The following SHROOM2 variants were observed in gnomAD, a reference collection of about 807,000 sequenced individuals.
The protein encoded by SHROOM2 is protein Shroom2.
Under a neutral mutation model 75.9 loss-of-function variants are expected in SHROOM2, and 33 were observed. That is an observed-to-expected ratio of 0.43 (90% confidence interval 0.33 to 0.58). The LOEUF is 0.58. Ranked by LOEUF, SHROOM2 falls within the 20% of genes least tolerant of loss-of-function variation. The probability of loss-of-function intolerance (pLI) is 0.04; values close to 1 mark genes in which losing one functional copy is unlikely to be tolerated. For missense variants in SHROOM2, 1,434 were observed against 1,461.2 expected, an observed-to-expected ratio of 0.98 and a Z score of 0.30; for synonymous variants, 655 against 663.6, an observed-to-expected ratio of 0.99 and a Z score of 0.20.
At chrX:9,871,967 C>T (rs1302289584) in intron 1 of SHROOM2, among the ~76,000 whole-genome samples, 2 of 112,427 alleles carry the variant, frequency 1.8e-5, no homozygotes, top group Admixed American at 1.9e-4. Flanking sequence ...GATTTCTTCT[C>T]ACTGGTTTTC....
chrX:9,812,046 C>G (rs1482205398), intron 1 of SHROOM2, among the ~76,000 whole-genome samples: 1 of 111,879 alleles, frequency 8.9e-6, no homozygotes, highest in Non-Finnish European at 1.9e-5. Flanking sequence ...ATAGGTAGTT[C>G]AGGTCGCATG....
At chrX:9,820,995 G>A (rs2083850319) in intron 1 of SHROOM2, among the ~76,000 whole-genome samples, 1 of 112,240 alleles carries the variant, frequency 8.9e-6, no homozygotes, top group Non-Finnish European at 1.9e-5. Context: ...CCTGGCTGGG[G>A]CTTGCTGTCC....
At chrX:9,940,380 A>G (rs1209312187) in intron 8 of SHROOM2, among the ~76,000 whole-genome samples, 1 of 111,905 alleles carries the variant, frequency 8.9e-6, no homozygotes, top group East Asian at 2.8e-4. Context: ...CAGAAGCGGC[A>G]TGCCTTGATT....
At chrX:9,940,139 A>T (rs1450605385) in intron 8 of SHROOM2, among the ~76,000 whole-genome samples, 1 of 111,840 alleles carries the variant, frequency 8.9e-6, no homozygotes, top group Non-Finnish European at 1.9e-5. Flanking sequence ...TTAAGGGTTT[A>T]GGTCTTGGGG....
intron 5 of SHROOM2, among the ~76,000 whole-genome samples, chrX:9,914,949 G>C (rs186808665): frequency 2.0e-4 from 22 of 111,409 alleles, no homozygotes; most frequent in Non-Finnish European, 3.6e-4. Flanking sequence ...TTTGCTGCCA[G>C]TGCAGTGAGA....
At chrX:9,927,356 C>CGAAAAA in intron 5 of SHROOM2, among the ~76,000 whole-genome samples, 1 of 24,378 alleles carries the variant, frequency 4.1e-5, no homozygotes, top group Non-Finnish European at 8.1e-5. Context: ...TCTCTGTCTC[C>CGAAAAA]AAAAAAAAAA....
chrX:9,799,690 T>A (rs1284398695), intron 1 of SHROOM2, among the ~76,000 whole-genome samples: 1 of 110,558 alleles, frequency 9.0e-6, no homozygotes, highest in Non-Finnish European at 1.9e-5. Context: ...TCCTTTTATC[T>A]GTCCTCTCTC....
intron 1 of SHROOM2, among the ~76,000 whole-genome samples, chrX:9,867,130 A>C (rs1376729614): frequency 8.9e-6 from 1 of 111,856 alleles, no homozygotes; most frequent in Non-Finnish European, 1.9e-5. Flanking sequence ...GTTCCATAAA[A>C]GACTTTGATT....
chrX:9,948,015 T>G lies in SHROOM2; in HGVS notation c.*1078T>G, dbSNP rs895460059. 2.7e-5 allele frequency: 3 copies of G among 112,259 alleles called. No homozygotes were observed. The highest frequency in any genetic ancestry group is 9.7e-5 in the African/African-American group (3 of 30,868). The allele number at this position is 112,259 out of a possible 1,213,427, so 9.3% of individuals were successfully genotyped here. ...TGGCAGGATTCTAAAGAGAGCCTGGTTTGTTAAAAGAAAACACTGTCATGC... is the reference window on the plus strand; with the variant it reads ...TGGCAGGATTCTAAAGAGAGCCTGGGTTGTTAAAAGAAAACACTGTCATGC... On this transcript the variant is annotated 3_prime_UTR_variant, in exon 10 of 10. Coordinates refer to ENST00000380913, the MANE Select transcript of SHROOM2 (RefSeq NM_001649.4).
chrX:9,934,709 A>G (rs768615733), intron 6 of SHROOM2, among the ~76,000 whole-genome samples: 1 of 112,166 alleles, frequency 8.9e-6, no homozygotes, highest in South Asian at 3.7e-4. Flanking sequence ...TTTCTGTTAA[A>G]AAATGATCAG....
intron 5 of SHROOM2, among the ~76,000 whole-genome samples, chrX:9,917,767 C>A (rs2084504261): frequency 8.9e-6 from 1 of 112,136 alleles, no homozygotes; most frequent in Non-Finnish European, 1.9e-5. Flanking sequence ...TTGTGATCCA[C>A]CTGCCTTGGC....
At chrX:9,890,684 T>G (rs2084285707) in intron 2 of SHROOM2, among the ~76,000 whole-genome samples, 1 of 105,194 alleles carries the variant, frequency 9.5e-6, no homozygotes, top group Admixed American at 9.8e-5. Flanking sequence ...GTGCGCTGCG[T>G]GCGGTCCTCG....
At chrX:9,787,993 T>C (rs1176881915) in intron 1 of SHROOM2, among the ~76,000 whole-genome samples, 2 of 24,289 alleles carry the variant, frequency 8.2e-5, no homozygotes, top group Non-Finnish European at 2.3e-4. Context: ...TTCTTTCTTC[T>C]TTTTTTTTTT....
In SHROOM2 at chrX:9,823,756, C is replaced by CTTTT. The variant is rs1293537759; in HGVS notation, c.165+37049_165+37052dup. Among the ~76,000 whole-genome samples, 47 of 85,893 alleles carry CTTTT rather than the reference C, an allele frequency of 5.5e-4. 12 individuals carry two copies. The highest frequency in any genetic ancestry group is 1.1e-3 in the South Asian group (2 of 1,904). The allele number at this position is 85,893 out of a possible 115,157, so 74.6% of individuals were successfully genotyped here. On this transcript the variant is annotated intron_variant, in intron 1 of 9. Transcript: ENST00000380913. The stretch of plus-strand genomic sequence containing the variant: ...ACATTTTTTTTCTTTTTTCTTTTTT[C>CTTTT]TTTTTTCTTTTTTTTTTTTTGAGAC...
At chrX:9,804,243 G>C (rs1427343212) in intron 1 of SHROOM2, among the ~76,000 whole-genome samples, 1 of 110,656 alleles carries the variant, frequency 9.0e-6, no homozygotes, top group Non-Finnish European at 1.9e-5. Context: ...CTCCTTCCCA[G>C]GACTCTGAGT....
At chrX:9,814,220 T>C (rs756383712) in intron 1 of SHROOM2, among the ~76,000 whole-genome samples, 4 of 111,281 alleles carry the variant, frequency 3.6e-5, no homozygotes, top group Non-Finnish European at 7.5e-5. Flanking sequence ...GGGCCATCTT[T>C]TAATCCATAG....
In SHROOM2 at chrX:9,786,571, G is replaced by C; in HGVS notation, c.26G>C (p.Arg9Pro). The change falls in exon 1 of 10, where the codon CGG becomes CCG. Residue 9 changes from arginine (R) to proline (P), a missense_variant. Coordinates refer to ENST00000380913, the MANE Select transcript of SHROOM2 (RefSeq NM_001649.4). The stretch of plus-strand genomic sequence containing the variant: ...ATGGAGGGCGCCGAGCCCCGCGCGC[G>C]GCCCGAGCGCCTGGCCGAGGCCGAG... MEGAEPRA[R>P]PERLAEAETR... 4.7e-6 allele frequency: 4 copies of C among 860,184 alleles called. No individual in the cohort carries two copies. The highest frequency in any genetic ancestry group is 5.7e-6 in the Non-Finnish European group (4 of 706,664). 70.9% of individuals were successfully genotyped at this position (860,184 alleles called of 1,213,427 possible). A position where few individuals can be genotyped will look rare whatever the true frequency, so the allele number is the denominator to read the frequency against.
chrX:9,843,050 A>G (rs2083987719), intron 1 of SHROOM2, among the ~76,000 whole-genome samples: 1 of 111,901 alleles, frequency 8.9e-6, no homozygotes, highest in African/African-American at 3.3e-5. Flanking sequence ...TCTTGGGGCC[A>G]ACCAGGATGT....
chrX:9,885,494 G>A (rs572696712), intron 2 of SHROOM2, among the ~76,000 whole-genome samples: 4 of 110,915 alleles, frequency 3.6e-5, no homozygotes, highest in Admixed American at 9.6e-5. Context: ...CTCTGACCCC[G>A]GCTTGATCCC....
Sources: allele counts gnomAD v4.1 joint callset (sites outside exome capture counted in the v4.1 genomes callset), GRCh38; gene constraint gnomAD v4.1.1; transcripts MANE v1.5; gene names NCBI Gene and HGNC (gene_info 2026-07-23, HGNC 2026-07-21).